The following MRRF variants were observed in gnomAD, a reference collection of about 807,000 sequenced individuals.
MRRF encodes the protein mitochondrial ribosome recycling factor.
MRRF carries 18 observed loss-of-function variants against 25.1 expected under a neutral mutation model. The observed-to-expected ratio is 0.72, with a 90% CI of 0.50 to 1.06. MRRF has a LOEUF of 1.06. Among genes scored for constraint, MRRF ranks in the 50% least tolerant of loss-of-function variants. The pLI is 0.00. For synonymous variants in MRRF, 113 were observed against 112.1 expected (o/e 1.01, Z -0.05); for missense variants, 323 against 319.3 (o/e 1.01, Z -0.09).
intron 4 of MRRF, among the ~76,000 whole-genome samples, 176 bp from the exon 5 acceptor site, chr9:122,291,560 CAGGAGTGGACATA>C (rs1251586356): frequency 6.6e-6 from 1 of 151,956 alleles, no homozygotes; most frequent in Non-Finnish European, 1.5e-5. Flanking sequence ...ACAGTGGTAC[CAGGAGTGGACATA>C]GTTTGCTATT....
At position 122,322,700 on chromosome 9, in the gene MRRF, C is replaced by A; in HGVS notation, c.*83C>A. 1.7e-6 allele frequency: 2 copies of A among 1,207,882 alleles called. No homozygotes were observed. The highest frequency in any genetic ancestry group is 2.4e-5 in the East Asian group (1 of 41,822). The allele number at this position is 1,207,882 out of a possible 1,614,324, so 74.8% of individuals were successfully genotyped here. On this transcript the variant is annotated 3_prime_UTR_variant, in exon 7 of 7. Coordinates refer to ENST00000344641, the MANE Select transcript of MRRF (RefSeq NM_138777.5). ...GCACATTGGGACTTCTCTCCCTCCC[C>A]CATCTACACAGAAGACTGTCACCAT... is the stretch of plus-strand genomic sequence containing the variant.
At chr9:122,270,249 G>C (rs1272060387) in intron 1 of MRRF, among the ~76,000 whole-genome samples, 2 of 152,214 alleles carry the variant, frequency 1.3e-5, no homozygotes, top group Non-Finnish European at 2.9e-5. Flanking sequence ...CTCAGATGTA[G>C]AATGCGTAAC....
Position 122,325,495 on chromosome 9 carries a change from C to T in MRRF, c.*2878C>T, listed in dbSNP as rs1415424844. ...CCATCTCTTCTCTCCTACAGCCTCT[C>T]TCAAAAAGAAACACTGGGTATGGAA... On this transcript the variant is annotated 3_prime_UTR_variant, in exon 7 of 7. Coordinates refer to ENST00000344641, the MANE Select transcript of MRRF (RefSeq NM_138777.5). 6.6e-6 allele frequency: 1 copy of T among 152,164 alleles called. No individual in the cohort carries two copies. Among genetic ancestry groups the T allele is most frequent in the East Asian group, 1.9e-4 (1 of 5,192 alleles). 9.4% of individuals were successfully genotyped at this position (152,164 alleles called of 1,614,324 possible).
In MRRF at chr9:122,294,447, G is replaced by A. The variant is rs189029798; in HGVS notation, c.551+2607G>A. ...ATTATTTTTTACATTATTTTATTTT[G>A]GTTAATGGGTGTAATCCAAGAGAAA... On this transcript the variant is annotated intron_variant, in intron 5 of 6. Transcript: ENST00000344641. Among the ~76,000 whole-genome samples the A allele has an allele frequency of 2.6e-5, 4 of 152,226 alleles. No individual in the cohort carries two copies. In the East Asian group the frequency reaches 7.7e-4, roughly 29 times the overall value.
intron 2 of MRRF, among the ~76,000 whole-genome samples, chr9:122,274,533 G>GGTTGT (rs1832656582): frequency 7.1e-6 from 1 of 140,562 alleles, no homozygotes; most frequent in Non-Finnish European, 1.5e-5. Flanking sequence ...ATATGAATCT[G>GGTTGT]GTGTGTGTGT....
intron 1 of MRRF, chr9:122,265,666 T>C: frequency 2.2e-6 from 2 of 896,928 alleles, no homozygotes; most frequent in Non-Finnish European, 3.2e-6. Flanking sequence ...TGAAACAAAA[T>C]CTACGTAGGA....
At chr9:122,276,247 G>T (rs546038354) in intron 2 of MRRF, among the ~76,000 whole-genome samples, 6 of 152,176 alleles carry the variant, frequency 3.9e-5, no homozygotes, top group East Asian at 3.9e-4. Flanking sequence ...AAGTATTAAG[G>T]TTAGAAGTTT....
At position 122,313,230 on chromosome 9, in the gene MRRF, A is replaced by T; in HGVS notation, c.555A>T (p.Val185=). The T allele has an allele frequency of 3.1e-6, 5 of 1,613,986 alleles. No homozygotes were observed. The highest frequency in any genetic ancestry group is 4.2e-6 in the Non-Finnish European group (5 of 1,179,890). The change falls in exon 6 of 7, where the codon GTA becomes GTT. Residue 185 remains valine, a synonymous_variant. Transcript: ENST00000344641. ...GTLIRVPIPQ[V]TREHREMLVK... ...AATGTCTTTTGTCTTTTATCAGAGT[A>T]ACCAGAGAGCACAGAGAAATGCTGG... is the stretch of plus-strand genomic sequence containing the variant.
At chr9:122,313,645 T>C (rs570972563) in intron 6 of MRRF, among the ~76,000 whole-genome samples, 2 of 152,290 alleles carry the variant, frequency 1.3e-5, no homozygotes, top group South Asian at 4.1e-4. Context: ...ACTACAAAAC[T>C]ATGAGGTAGG....
chr9:122,287,614 C>T (rs989309754), intron 4 of MRRF, among the ~76,000 whole-genome samples: 14 of 152,172 alleles, frequency 9.2e-5, no homozygotes, highest in African/African-American at 2.9e-4. Context: ...AGAAGAAGCA[C>T]CTGATTGGCC....
intron 5 of MRRF, among the ~76,000 whole-genome samples, chr9:122,293,450 C>T (rs1833897054): frequency 6.6e-6 from 1 of 152,198 alleles, no homozygotes; most frequent in Admixed American, 6.5e-5. Flanking sequence ...CCCATGCAGA[C>T]AACAAGAATC....
chr9:122,321,019 A>G (rs1835861215), intron 6 of MRRF, among the ~76,000 whole-genome samples: 1 of 152,262 alleles, frequency 6.6e-6, no homozygotes, highest in African/African-American at 2.4e-5. Flanking sequence ...GAAAAGCACA[A>G]AAAACTTTAA....
At chr9:122,311,311 C>T (rs1313324869) in intron 5 of MRRF, among the ~76,000 whole-genome samples, 1 of 152,202 alleles carries the variant, frequency 6.6e-6, no homozygotes, top group African/African-American at 2.4e-5. Context: ...CCTCAGCCCT[C>T]CCTGTGTCCA....
At chr9:122,301,903 T>C (rs1465900448) in intron 5 of MRRF, among the ~76,000 whole-genome samples, 1 of 149,998 alleles carries the variant, frequency 6.7e-6, no homozygotes, top group Admixed American at 6.6e-5. Context: ...CCGGCTAATT[T>C]TTTTTTTTTT....
At chr9:122,308,092 A>T (rs1834972188) in intron 5 of MRRF, among the ~76,000 whole-genome samples, 1 of 152,188 alleles carries the variant, frequency 6.6e-6, no homozygotes, top group African/African-American at 2.4e-5. Context: ...TTACTGGAAG[A>T]TCTGCCTGGT....
intron 5 of MRRF, among the ~76,000 whole-genome samples, chr9:122,294,949 A>G (rs900738201): frequency 4.6e-5 from 7 of 152,228 alleles, no homozygotes; most frequent in African/African-American, 1.7e-4. Context: ...TAGGTCGAGC[A>G]CCTACTATGT....
rs71508158 is a variant in MRRF at position 122,326,106 on chromosome 9, ATTTTTTTTT to A, written c.*3500_*3508del. ...GAGCCACTCTGCCTGGCCATATATA[ATTTTTTTTT>A]TTTTTTTTTTGCAATGGAGTCTTGC... On this transcript the variant is annotated 3_prime_UTR_variant, in exon 7 of 7. Transcript: ENST00000344641. The A allele has an allele frequency of 6.8e-5, 8 of 116,958 alleles. No homozygotes were observed. The highest frequency in any genetic ancestry group is 1.4e-4 in the Non-Finnish European group (8 of 56,188). 7.2% of individuals were successfully genotyped at this position (116,958 alleles called of 1,614,324 possible). A position where few individuals can be genotyped will look rare whatever the true frequency, so the allele number is the denominator to read the frequency against.
At chr9:122,284,144 C>T (rs560481997) in intron 3 of MRRF, among the ~76,000 whole-genome samples, 12 of 152,208 alleles carry the variant, frequency 7.9e-5, no homozygotes, top group South Asian at 2.1e-4. Context: ...TCACAGGCTC[C>T]GAAGCCTCTG....
At chr9:122,286,563 A>T (rs1486246130) in intron 4 of MRRF, among the ~76,000 whole-genome samples, 2 of 152,104 alleles carry the variant, frequency 1.3e-5, no homozygotes, top group African/African-American at 4.8e-5. Flanking sequence ...AAATAAAAAA[A>T]TTAGTGAGGT....
Sources: allele counts gnomAD v4.1 joint callset (sites outside exome capture counted in the v4.1 genomes callset), GRCh38; gene constraint gnomAD v4.1.1; transcripts MANE v1.5; gene names NCBI Gene and HGNC (gene_info 2026-07-23, HGNC 2026-07-21).